The following TTC29 variants were observed in gnomAD, a reference collection of about 807,000 sequenced individuals.
TTC29 encodes tetratricopeptide repeat protein 29.
A neutral mutation model predicts 58.1 loss-of-function variants in TTC29; 49 were observed. That is an observed-to-expected ratio of 0.84 (90% CI 0.67 to 1.07). The LOEUF (loss-of-function observed/expected upper bound fraction) is 1.07. TTC29 is among the 50% of genes least tolerant of loss of function. The pLI is 0.00. For synonymous variants in TTC29, 209 were observed against 196.8 expected (o/e 1.06, Z -0.52); for missense variants, 582 against 555.6 (o/e 1.05, Z -0.48).
intron 8 of TTC29, among the ~76,000 whole-genome samples, chr4:146,845,979 C>T (rs17022020): frequency 0.26 from 39,856 of 152,022 alleles, 5,312 homozygotes; most frequent in Admixed American, 0.32. Flanking sequence ...TCTAGCTCCT[C>T]GTCTTATGTT....
At chr4:146,878,131 G>T (rs967344757) in intron 6 of TTC29, among the ~76,000 whole-genome samples, 1 of 152,154 alleles carries the variant, frequency 6.6e-6, no homozygotes, top group South Asian at 2.1e-4. Flanking sequence ...AGTGAGGATG[G>T]TCCTCAGGAC....
At chr4:146,934,713 G>A (rs1735638432) in intron 4 of TTC29, among the ~76,000 whole-genome samples, 1 of 152,144 alleles carries the variant, frequency 6.6e-6, no homozygotes, top group Non-Finnish European at 1.5e-5. Flanking sequence ...GTGCTCCAGT[G>A]TGGAGAAAAA....
At chr4:146,766,060 T>C (rs1747295471) in intron 11 of TTC29, among the ~76,000 whole-genome samples, 1 of 152,022 alleles carries the variant, frequency 6.6e-6, no homozygotes, top group Non-Finnish European at 1.5e-5. Context: ...GTCAAAGTAT[T>C]ATTTACTCGG....
At chr4:146,875,467 G>C (rs1453535883) in intron 6 of TTC29, among the ~76,000 whole-genome samples, 1 of 152,022 alleles carries the variant, frequency 6.6e-6, no homozygotes, top group East Asian at 1.9e-4. Flanking sequence ...ATCCTCTACT[G>C]CTTTTCCAAC....
chr4:146,802,490 T>C (rs1750301002), intron 11 of TTC29, among the ~76,000 whole-genome samples: 1 of 152,212 alleles, frequency 6.6e-6, no homozygotes, highest in African/African-American at 2.4e-5. Flanking sequence ...TTTTTATAAC[T>C]AGAGGACGGT....
chr4:146,774,651 T>C (rs1747960670), intron 11 of TTC29, among the ~76,000 whole-genome samples: 1 of 152,150 alleles, frequency 6.6e-6, no homozygotes, highest in Non-Finnish European at 1.5e-5. Flanking sequence ...TGCGGTAGAT[T>C]TTAAAATATG....
intron 10 of TTC29, among the ~76,000 whole-genome samples, chr4:146,811,392 T>C (rs1328453904): frequency 3.3e-5 from 5 of 152,180 alleles, no homozygotes; most frequent in Non-Finnish European, 1.5e-5. Context: ...AATCTCTTTC[T>C]AAGAGGAGGA....
chr4:146,759,306 A>G (rs1746694927), intron 11 of TTC29, among the ~76,000 whole-genome samples: 1 of 152,108 alleles, frequency 6.6e-6, no homozygotes, highest in African/African-American at 2.4e-5. Flanking sequence ...AAACAGACCA[A>G]TAACAAGCAG....
chr4:146,710,523 A>T (rs1034694949), intron 11 of TTC29, among the ~76,000 whole-genome samples: 1 of 152,090 alleles, frequency 6.6e-6, no homozygotes, highest in Non-Finnish European at 1.5e-5. Context: ...GACATTGGGT[A>T]CTCACTCGCC....
chr4:146,861,160 A>T (rs1042447078), intron 8 of TTC29, among the ~76,000 whole-genome samples: 2 of 152,198 alleles, frequency 1.3e-5, no homozygotes, highest in South Asian at 4.1e-4. Context: ...ATTCATACAT[A>T]AAAACGAACG....
At chr4:146,942,755 A>C in intron 2 of TTC29, 1 of 726,294 alleles carries the variant, frequency 1.4e-6, no homozygotes, top group Non-Finnish European at 2.1e-6. Context: ...ATCCTCTATA[A>C]ATTTTAGACT....
intron 11 of TTC29, among the ~76,000 whole-genome samples, chr4:146,782,432 T>C (rs1263662130): frequency 6.6e-6 from 1 of 151,920 alleles, no homozygotes; most frequent in African/African-American, 2.4e-5. Context: ...AATAGCAAGA[T>C]AAAATGATTG....
intron 4 of TTC29, among the ~76,000 whole-genome samples, chr4:146,923,353 A>G (rs530048353): frequency 4.1e-4 from 63 of 151,826 alleles, no homozygotes; most frequent in African/African-American, 1.4e-3. Context: ...ACACACAGAG[A>G]AGTCAATAAA....
intron 11 of TTC29, among the ~76,000 whole-genome samples, chr4:146,777,572 C>T (rs1748204616): frequency 6.6e-6 from 1 of 152,100 alleles, no homozygotes; most frequent in Non-Finnish European, 1.5e-5. Flanking sequence ...GTTTACAATT[C>T]ATGTACCTAT....
intron 4 of TTC29, among the ~76,000 whole-genome samples, chr4:146,913,979 T>A (rs1014788947): frequency 1.3e-5 from 2 of 152,212 alleles, no homozygotes; most frequent in East Asian, 3.8e-4. Context: ...TATAGAACTA[T>A]GCTGGTATCA....
chr4:146,786,863 A>G (rs1051349920), intron 11 of TTC29, among the ~76,000 whole-genome samples: 1 of 152,126 alleles, frequency 6.6e-6, no homozygotes, highest in Non-Finnish European at 1.5e-5. Context: ...CTGTAATCCC[A>G]GTGCTTTGGG....
At chr4:146,815,856 T>C (rs1751362803) in intron 10 of TTC29, among the ~76,000 whole-genome samples, 1 of 152,218 alleles carries the variant, frequency 6.6e-6, no homozygotes, top group African/African-American at 2.4e-5. Context: ...CACAACTTTT[T>C]AGCCTACCTC....
intron 11 of TTC29, among the ~76,000 whole-genome samples, chr4:146,791,217 A>G (rs1469952611): frequency 6.6e-6 from 1 of 152,212 alleles, no homozygotes; most frequent in Admixed American, 6.5e-5. Flanking sequence ...TGCACTATGC[A>G]GATGTTGCAT....
chr4:146,745,604 A>G (rs1745481910), intron 11 of TTC29, among the ~76,000 whole-genome samples: 1 of 152,224 alleles, frequency 6.6e-6, no homozygotes, highest in Non-Finnish European at 1.5e-5. Context: ...TTAATACTCA[A>G]TAGGTGGACG....
Sources: allele counts gnomAD v4.1 joint callset (sites outside exome capture counted in the v4.1 genomes callset), GRCh38; gene constraint gnomAD v4.1.1; transcripts MANE v1.5; gene names NCBI Gene and HGNC (gene_info 2026-07-23, HGNC 2026-07-21).